AGBL1: variants seen among roughly 807,000 people sequenced by gnomAD.
AGBL1 encodes the protein AGBL carboxypeptidase 1.
In AGBL1, 130 loss-of-function variants were observed where a neutral mutation model predicts 118.9. The observed-to-expected ratio is 1.09, with a 90% CI of 0.95 to 1.26. The LOEUF is 1.26. Ranked by LOEUF, AGBL1 falls within the 50% of genes most tolerant of loss-of-function variation. The pLI is 0.00. For synonymous variants in AGBL1, 555 were observed against 478.9 expected, an observed-to-expected ratio of 1.16 and a Z score of -2.08; for missense variants, 1,584 against 1,298.1, an observed-to-expected ratio of 1.22 and a Z score of -3.38.
intron 22 of AGBL1, among the ~76,000 whole-genome samples, chr15:86,869,428 G>A (rs1450873080): frequency 1.3e-5 from 2 of 152,030 alleles, no homozygotes; most frequent in African/African-American, 4.8e-5. Flanking sequence ...CAGGGCTTTG[G>A]TTTCCTTCCT....
chr15:86,238,265 T>C (rs895146960), intron 6 of AGBL1, among the ~76,000 whole-genome samples: 2 of 152,240 alleles, frequency 1.3e-5, no homozygotes, highest in Non-Finnish European at 2.9e-5. Context: ...GGTGAGGCTT[T>C]CTCTATTTCA....
chr15:86,884,137 T>A (rs1450618441), intron 22 of AGBL1, among the ~76,000 whole-genome samples: 1 of 152,214 alleles, frequency 6.6e-6, no homozygotes, highest in Non-Finnish European at 1.5e-5. Flanking sequence ...CACATCAGAA[T>A]CACCAGCAAC....
chr15:86,733,128 A>T (rs1002736051), intron 22 of AGBL1, among the ~76,000 whole-genome samples: 5 of 151,236 alleles, frequency 3.3e-5, no homozygotes, highest in African/African-American at 1.2e-4. Context: ...GACTCACACA[A>T]TTATGGTATC....
chr15:86,877,532 C>T (rs190695549), intron 22 of AGBL1, among the ~76,000 whole-genome samples: 468 of 152,210 alleles, frequency 3.1e-3, no homozygotes, highest in Non-Finnish European at 5.2e-3. Context: ...TTCCTGTTAC[C>T]GCTGGGGAAG....
In AGBL1 at chr15:87,010,810, CCTATCTGTCAT is replaced by C. The variant is rs540571750; in HGVS notation, c.3324-18005_3324-17995del. ...CAAGAGCAAATCCCCTAATAAATCTCCTATCTGTCATCTATCTGTCTGCCTACATACTTACC... is the reference window on the plus strand; with the variant it reads ...CAAGAGCAAATCCCCTAATAAATCTCCTATCTGTCTGCCTACATACTTACC... On this transcript the variant is annotated intron_variant, in intron 24 of 24. Coordinates refer to the AGBL1 transcript ENST00000441037. Among the ~76,000 whole-genome samples the C allele has an allele frequency of 2.7e-3, 412 of 152,246 alleles. 3 individuals carry two copies. The highest frequency in any genetic ancestry group is 9.4e-3 in the African/African-American group (389 of 41,544).
intron 21 of AGBL1, among the ~76,000 whole-genome samples, chr15:86,576,138 A>G (rs1279226119): frequency 2.0e-5 from 3 of 152,204 alleles, no homozygotes; most frequent in Non-Finnish European, 4.4e-5. Context: ...TATTGACTGC[A>G]CTTTGGGTAA....
chr15:86,741,647 T>C (rs559302741), intron 22 of AGBL1, among the ~76,000 whole-genome samples: 17 of 152,166 alleles, frequency 1.1e-4, no homozygotes, highest in South Asian at 2.1e-4. Flanking sequence ...AGGAACTCTA[T>C]ACACTGTTCT....
At chr15:86,634,543 G>A (rs985363785) in intron 21 of AGBL1, among the ~76,000 whole-genome samples, 1 of 152,122 alleles carries the variant, frequency 6.6e-6, no homozygotes, top group Non-Finnish European at 1.5e-5. Flanking sequence ...CTGGTTGCCT[G>A]GAGCTAGGGA....
chr15:86,832,334 A>G (rs1168336422), intron 22 of AGBL1, among the ~76,000 whole-genome samples: 1 of 152,134 alleles, frequency 6.6e-6, no homozygotes, highest in Non-Finnish European at 1.5e-5. Context: ...TTTCTACTCC[A>G]TCATCAGGCT....
At chr15:86,994,769 T>G (rs1045756046) in intron 24 of AGBL1, among the ~76,000 whole-genome samples, 1 of 152,232 alleles carries the variant, frequency 6.6e-6, no homozygotes, top group Admixed American at 6.5e-5. Flanking sequence ...AAGGGCAAAT[T>G]TAAACATTCC....
At chr15:86,448,305 C>T (rs2082151231) in intron 18 of AGBL1, among the ~76,000 whole-genome samples, 1 of 152,180 alleles carries the variant, frequency 6.6e-6, no homozygotes, top group Non-Finnish European at 1.5e-5. Context: ...TTTCCTGTCT[C>T]CTTTTTTGGG....
intron 9 of AGBL1, 79 bp from the exon 10 acceptor site, chr15:86,262,699 A>T: frequency 1.1e-6 from 1 of 948,874 alleles, no homozygotes; most frequent in Non-Finnish European, 1.7e-6. Context: ...ATTCTGAAGA[A>T]GCACATACAT....
intron 21 of AGBL1, among the ~76,000 whole-genome samples, chr15:86,647,316 T>A (rs1161589187): frequency 6.6e-6 from 1 of 152,190 alleles, no homozygotes; most frequent in Non-Finnish European, 1.5e-5. Context: ...TAAATGTTGA[T>A]TATTTACTAT....
chr15:86,737,611 G>T (rs1024072106), intron 22 of AGBL1, among the ~76,000 whole-genome samples: 3 of 152,042 alleles, frequency 2.0e-5, no homozygotes, highest in Admixed American at 6.5e-5. Flanking sequence ...TTCCTCCTAC[G>T]TAGGGTATGT....
At chr15:86,532,630 C>T (rs1400296040) in intron 19 of AGBL1, among the ~76,000 whole-genome samples, 1 of 148,624 alleles carries the variant, frequency 6.7e-6, no homozygotes, top group Admixed American at 6.7e-5. Context: ...CATATGGAAC[C>T]AAAAAAGAGC....
intron 22 of AGBL1, among the ~76,000 whole-genome samples, chr15:86,723,225 T>C (rs1313343772): frequency 6.6e-6 from 1 of 152,228 alleles, no homozygotes; most frequent in Non-Finnish European, 1.5e-5. Flanking sequence ...TGTGGCACTA[T>C]TCACAATAGC....
At chr15:86,371,275 G>A (rs1444269123) in intron 17 of AGBL1, among the ~76,000 whole-genome samples, 1 of 152,164 alleles carries the variant, frequency 6.6e-6, no homozygotes, top group African/African-American at 2.4e-5. Flanking sequence ...GGAGTTCACA[G>A]GAATAAAAGC....
chr15:86,261,560 C>T (rs556516887), intron 9 of AGBL1, among the ~76,000 whole-genome samples: 1 of 152,244 alleles, frequency 6.6e-6, no homozygotes, highest in African/African-American at 2.4e-5. Flanking sequence ...TTTAACCTTT[C>T]AGTACTGCCA....
At chr15:86,953,392 G>A (rs950215893) in intron 23 of AGBL1, among the ~76,000 whole-genome samples, 1 of 143,302 alleles carries the variant, frequency 7.0e-6, no homozygotes, top group Non-Finnish European at 1.5e-5. Flanking sequence ...TTGGTAAGCT[G>A]TATTTGGATT....
Sources: gnomAD v4.1 joint callset for allele counts (sites outside exome capture counted in the v4.1 genomes callset) on GRCh38, gnomAD v4.1.1 for gene constraint, MANE v1.5 for transcripts, NCBI Gene and HGNC (gene_info 2026-07-23, HGNC 2026-07-21) for gene names.